RORA: variants seen among roughly 807,000 people sequenced by gnomAD.
RORA encodes nuclear receptor ROR-alpha.
RORA carries 7 observed loss-of-function variants against 69.5 expected under a neutral mutation model. That is an observed-to-expected ratio of 0.10 (90% confidence interval 0.06 to 0.19). RORA has a LOEUF of 0.19. RORA is among the 10% of genes least tolerant of loss of function. The pLI, the probability that RORA is intolerant of heterozygous loss-of-function variation, is 1.00. For synonymous variants in RORA, 261 were observed against 240.8 expected, an observed-to-expected ratio of 1.08 and a Z score of -0.78; for missense variants, 457 against 663.0, an observed-to-expected ratio of 0.69 and a Z score of 3.41.
intron 1 of RORA, among the ~76,000 whole-genome samples, chr15:61,099,886 T>C (rs192240979): frequency 6.6e-6 from 1 of 152,334 alleles, no homozygotes; most frequent in Non-Finnish European, 1.5e-5. Context: ...CTGGAGTAAC[T>C]ATCTAAAGGT....
intron 2 of RORA, chr15:60,593,092 A>C (rs1347705829): frequency 2.8e-6 from 1 of 352,098 alleles, no homozygotes; most frequent in Non-Finnish European, 5.6e-6. Context: ...CCGTCCGGGG[A>C]GTGGAGTAAG....
Position 60,711,872 on chromosome 15 carries a change from A to G in RORA, c.167-33186T>C, listed in dbSNP as rs113424098. ...TAAAATACCGCTACTGAAACAAATT[A>G]TATGATAATAAAACAGCAAATTCCT... On this transcript the variant is annotated intron_variant, in intron 1 of 10. Coordinates refer to ENST00000335670, the MANE Select transcript of RORA (RefSeq NM_134261.3). 7.7e-3 allele frequency among the ~76,000 whole-genome samples: 1,169 copies of G among 152,326 alleles called. 16 individuals carry two copies. Among genetic ancestry groups the G allele is most frequent in the African/African-American group, 0.027 (1,122 of 41,572 alleles).
intron 1 of RORA, among the ~76,000 whole-genome samples, chr15:60,875,675 C>T (rs190024844): frequency 4.8e-4 from 73 of 152,270 alleles, no homozygotes; most frequent in Non-Finnish European, 6.8e-4. Flanking sequence ...GTTAGAAATG[C>T]GTCTGCTGTT....
At chr15:61,049,380 C>A (rs1444156763) in intron 1 of RORA, among the ~76,000 whole-genome samples, 5 of 152,104 alleles carry the variant, frequency 3.3e-5, no homozygotes, top group African/African-American at 1.2e-4. Flanking sequence ...CAAATTCTTT[C>A]GGTGGACAAA....
At chr15:61,130,400 T>C (rs1470313365) in intron 1 of RORA, among the ~76,000 whole-genome samples, 4 of 152,176 alleles carry the variant, frequency 2.6e-5, no homozygotes, top group African/African-American at 9.7e-5. Flanking sequence ...TCTGAAAAGA[T>C]GATATTTTAT....
In RORA at chr15:60,534,898, A is replaced by G. The variant is rs894848459; in HGVS notation, c.197-3047T>C. ...CCATCCCCCATTTTAGTCAATTTCC[A>G]GAATTCAAATGAATCCATGAGAAAA... is the stretch of plus-strand genomic sequence containing the variant. On this transcript the variant is annotated intron_variant, in intron 2 of 10. Transcript: ENST00000335670. This position sits in a 1 kb window ranked among gnomAD's most constrained non-coding sequence, Gnocchi z 5.0. 1.3e-5 allele frequency among the ~76,000 whole-genome samples: 2 copies of G among 152,216 alleles called. No individual in the cohort carries two copies. The highest frequency in any genetic ancestry group is 4.8e-5 in the African/African-American group (2 of 41,446).
chr15:60,523,051 A>AC (rs997909734), intron 3 of RORA, among the ~76,000 whole-genome samples: 20,202 of 87,438 alleles, frequency 0.23, 1,711 homozygotes, highest in South Asian at 0.35. Flanking sequence ...AAAAAAACAC[A>AC]AAAAAAAAAA....
intron 1 of RORA, among the ~76,000 whole-genome samples, chr15:60,708,330 G>A (rs535660042): frequency 4.0e-4 from 60 of 151,508 alleles, no homozygotes; most frequent in Non-Finnish European, 7.9e-4. Flanking sequence ...GCTGAGACAG[G>A]AGAATCGCTT....
chr15:61,074,138 C>A (rs1452304527), intron 1 of RORA, among the ~76,000 whole-genome samples: 9 of 152,126 alleles, frequency 5.9e-5, no homozygotes, highest in Admixed American at 5.9e-4. Context: ...CTCCTCCAGG[C>A]CCCCCACCAT....
At chr15:61,040,752 C>A (rs1184639422) in intron 1 of RORA, among the ~76,000 whole-genome samples, 2 of 152,102 alleles carry the variant, frequency 1.3e-5, no homozygotes, top group African/African-American at 4.8e-5. Context: ...GGATTACAGA[C>A]AAGTAAAAAC....
rs186953070 is a variant in RORA, at chr15:60,725,210, C to G, written c.167-46524G>C. On this transcript the variant is annotated intron_variant, in intron 1 of 10. Transcript: ENST00000335670. ...TAGGCATTTCAATGTCTTCTTTTCCCCCGATTCAGCTTAGCACAATGCCAG... is the reference window on the plus strand; with the variant it reads ...TAGGCATTTCAATGTCTTCTTTTCCGCCGATTCAGCTTAGCACAATGCCAG... Among the ~76,000 whole-genome samples the G allele has an allele frequency of 2.0e-5, 3 of 152,174 alleles. No individual in the cohort carries two copies. The East Asian group carries it at 5.8e-4, about 29-fold the overall frequency.
intron 2 of RORA, among the ~76,000 whole-genome samples, chr15:60,548,679 CCAGG>C (rs2067142843): frequency 6.6e-6 from 1 of 152,092 alleles, no homozygotes; most frequent in Non-Finnish European, 1.5e-5. Context: ...GCTCTGTTCC[CCAGG>C]CTGGAGTGCA....
intron 1 of RORA, among the ~76,000 whole-genome samples, chr15:60,932,314 C>T (rs1185845229): frequency 6.6e-6 from 1 of 152,134 alleles, no homozygotes; most frequent in Non-Finnish European, 1.5e-5. Flanking sequence ...CTTGTAAACT[C>T]AGCCACGATT....
chr15:61,199,059 G>A (rs2079872200), intron 1 of RORA, among the ~76,000 whole-genome samples: 2 of 152,088 alleles, frequency 1.3e-5, no homozygotes, highest in South Asian at 2.1e-4. Flanking sequence ...TGCCTTCTCT[G>A]CGAAGCCTTA....
intron 1 of RORA, among the ~76,000 whole-genome samples, chr15:61,200,741 T>C (rs187079848): frequency 5.3e-5 from 8 of 152,276 alleles, no homozygotes; most frequent in East Asian, 1.9e-4. Flanking sequence ...CTTTTGGCAG[T>C]TGTTGCACTT....
chr15:60,903,413 G>C (rs982027631), intron 1 of RORA, among the ~76,000 whole-genome samples: 3 of 152,134 alleles, frequency 2.0e-5, no homozygotes, highest in African/African-American at 4.8e-5. Flanking sequence ...GGCCGATTTG[G>C]CAAGCAGCTT....
intron 1 of RORA, among the ~76,000 whole-genome samples, chr15:60,819,778 CA>C (rs2072869124): frequency 2.1e-5 from 3 of 141,824 alleles, no homozygotes; most frequent in African/African-American, 7.4e-5. Flanking sequence ...CACACACACA[CA>C]CACACACACA....
At chr15:60,542,457 C>T (rs895790198) in intron 2 of RORA, among the ~76,000 whole-genome samples, 9 of 150,816 alleles carry the variant, frequency 6.0e-5, no homozygotes, top group Non-Finnish European at 1.2e-4. Context: ...CACACAGGCA[C>T]ACCTCACACA....
At position 60,979,226 on chromosome 15, in the gene RORA, A is replaced by C. The variant is rs1025190297; in HGVS notation, c.166+249827T>G. ...TGATGCACCCGCCTCAGCCTCCCAA[A>C]GTGCTGGGATTAAAGGCGTGAGCCA... is the stretch of plus-strand genomic sequence containing the variant. On this transcript the variant is annotated intron_variant, in intron 1 of 10. Coordinates refer to ENST00000335670, the MANE Select transcript of RORA (RefSeq NM_134261.3). Among the ~76,000 whole-genome samples the C allele has an allele frequency of 2.7e-5, 4 of 147,618 alleles. No homozygotes were observed. In the South Asian group the frequency reaches 8.6e-4, roughly 32 times the overall value.
Sources: allele counts gnomAD v4.1 joint callset (sites outside exome capture counted in the v4.1 genomes callset), GRCh38; gene constraint gnomAD v4.1.1; non-coding constraint Gnocchi (gnomAD v3.1); transcripts MANE v1.5; gene names NCBI Gene and HGNC (gene_info 2026-07-23, HGNC 2026-07-21).